Variants in INSR observed in about 807,000 individuals in gnomAD.
The protein encoded by INSR is IR.
Under a neutral mutation model 142.6 loss-of-function variants are expected in INSR, and 67 were observed. The observed-to-expected ratio is 0.47, with a 90% CI of 0.39 to 0.58. INSR has a LOEUF of 0.58. Among genes scored for constraint, INSR ranks in the 20% least tolerant of loss-of-function variants. INSR has a pLI of 0.00. For synonymous variants in INSR, 756 were observed against 743.1 expected (o/e 1.02, Z -0.28); for missense variants, 1,248 against 1,833.2 (o/e 0.68, Z 5.83).
At chr19:7,282,426 T>C (rs537465718) in intron 1 of INSR, among the ~76,000 whole-genome samples, 1 of 152,044 alleles carries the variant, frequency 6.6e-6, no homozygotes, top group Admixed American at 6.6e-5. Flanking sequence ...CTCACACCAG[T>C]AATCCCAGCC....
chr19:7,121,012 CT>C (rs1972478302), intron 19 of INSR, among the ~76,000 whole-genome samples: 1 of 148,650 alleles, frequency 6.7e-6, no homozygotes, highest in African/African-American at 2.5e-5. Context: ...TTTTTTTTTT[CT>C]TTGATATGGA....
intron 9 of INSR, among the ~76,000 whole-genome samples, chr19:7,158,308 G>C (rs1290073217): frequency 6.6e-6 from 1 of 151,896 alleles, no homozygotes; most frequent in Admixed American, 6.6e-5. Context: ...AGACCATCCT[G>C]GCTAACATGG....
chr19:7,118,578 A>G (rs1972396288), intron 21 of INSR, among the ~76,000 whole-genome samples: 2 of 151,830 alleles, frequency 1.3e-5, no homozygotes, highest in Admixed American at 1.3e-4. Flanking sequence ...CGGTCTCCCA[A>G]ATTGCTTGGG....
intron 2 of INSR, among the ~76,000 whole-genome samples, chr19:7,195,813 G>C (rs1281296890): frequency 1.3e-5 from 2 of 151,696 alleles, no homozygotes; most frequent in Non-Finnish European, 2.9e-5. Context: ...GCAATATTGA[G>C]ACAACAGATA....
intron 4 of INSR, among the ~76,000 whole-genome samples, chr19:7,172,883 A>AAC (rs1307860437): frequency 2.0e-5 from 3 of 151,398 alleles, no homozygotes; most frequent in Non-Finnish European, 4.4e-5. Context: ...AACTACAAAA[A>AAC]AAAAAAAAAA....
At chr19:7,167,512 G>T (rs1973914526) in intron 7 of INSR, among the ~76,000 whole-genome samples, 1 of 150,872 alleles carries the variant, frequency 6.6e-6, no homozygotes, top group Non-Finnish European at 1.5e-5. Context: ...GGAGGCAGAG[G>T]TTGCAGTGAG....
intron 11 of INSR, 132 bp from the exon 12 acceptor site, chr19:7,143,222 G>A: frequency 1.0e-6 from 1 of 972,246 alleles, no homozygotes; most frequent in Non-Finnish European, 1.6e-6. Flanking sequence ...GGGGAACATG[G>A]ATTACAATAC....
In INSR at chr19:7,117,007, G is replaced by A. The variant is rs1972345141; in HGVS notation, c.*49C>T. ...GTTTTCCAGAGGCTTTCAAACCAGAGGAAAGCGAAAATGGGAACCCCTGCC... is the reference window on the plus strand; with the variant it reads ...GTTTTCCAGAGGCTTTCAAACCAGAAGAAAGCGAAAATGGGAACCCCTGCC... On this transcript the variant is annotated 3_prime_UTR_variant, in exon 22 of 22. Transcript: ENST00000302850. The A allele has an allele frequency of 7.0e-7, 1 of 1,426,948 alleles. No individual in the cohort carries two copies. The highest frequency in any genetic ancestry group is 1.4e-5 in the African/African-American group (1 of 71,098). 88.4% of individuals were successfully genotyped at this position (1,426,948 alleles called of 1,614,324 possible).
intron 2 of INSR, among the ~76,000 whole-genome samples, chr19:7,195,853 T>C (rs1364589379): frequency 6.6e-6 from 1 of 151,762 alleles, no homozygotes; most frequent in African/African-American, 2.4e-5. Context: ...ATTAAAATAC[T>C]GTATCAATGT....
At position 7,285,928 on chromosome 19, in the gene INSR, A is replaced by G. The variant is rs115500666; in HGVS notation, c.100+7864T>C. On this transcript the variant is annotated intron_variant, in intron 1 of 21. Coordinates refer to ENST00000302850, the MANE Select transcript of INSR (RefSeq NM_000208.4). ...CAACTCTACACATGGCTTAAAAATCATAAAATGGTACACCTTTAAAAAGCC... is the reference window on the plus strand; with the variant it reads ...CAACTCTACACATGGCTTAAAAATCGTAAAATGGTACACCTTTAAAAAGCC... Among the ~76,000 whole-genome samples the G allele has an allele frequency of 7.9e-5, 12 of 152,310 alleles. No individual in the cohort carries two copies. In the South Asian group the frequency reaches 2.3e-3, roughly 29 times the overall value.
At chr19:7,173,681 G>A (rs1302248969) in intron 4 of INSR, among the ~76,000 whole-genome samples, 2 of 142,854 alleles carry the variant, frequency 1.4e-5, no homozygotes, top group African/African-American at 5.3e-5. Flanking sequence ...GTGCAGTGGC[G>A]CGATCCCAGC....
intron 3 of INSR, 86 bp from the exon 4 acceptor site, chr19:7,174,817 T>G: frequency 7.7e-7 from 1 of 1,301,352 alleles, no homozygotes; most frequent in Admixed American, 2.0e-5. Flanking sequence ...TCAGGCATCT[T>G]TCTGCCTGAT....
chr19:7,178,789 A>G (rs1373609187), intron 3 of INSR, among the ~76,000 whole-genome samples: 1 of 152,218 alleles, frequency 6.6e-6, no homozygotes, highest in Non-Finnish European at 1.5e-5. Flanking sequence ...TGGTGGACAC[A>G]CCAGTATGTC....
chr19:7,219,166 T>TCCCAGGACCTGGGGAAATTA (rs1975524040), intron 2 of INSR, among the ~76,000 whole-genome samples: 2 of 152,184 alleles, frequency 1.3e-5, no homozygotes, highest in South Asian at 4.1e-4. Flanking sequence ...TTATTAGGCT[T>TCCCAGGACCTGGGGAAATTA]CCCAGGACCT....
intron 2 of INSR, among the ~76,000 whole-genome samples, chr19:7,214,388 G>A (rs1393566191): frequency 1.3e-5 from 2 of 152,308 alleles, no homozygotes; most frequent in South Asian, 2.1e-4. Context: ...CGGCTAGGCC[G>A]CCGACTGCCT....
intron 2 of INSR, among the ~76,000 whole-genome samples, chr19:7,197,918 A>AGTGTGTGTGTGTGTGTGTGTGTGT (rs71864058): frequency 1.0e-5 from 1 of 100,218 alleles, no homozygotes; most frequent in Non-Finnish European, 2.1e-5. Flanking sequence ...CCAGAGTGAG[A>AGTGTGTGTGTGTGTGTGTGTGTGT]GTGTGTGTGT....
At chr19:7,121,581 C>T (rs1237834211) in intron 19 of INSR, among the ~76,000 whole-genome samples, 1 of 152,076 alleles carries the variant, frequency 6.6e-6, no homozygotes, top group African/African-American at 2.4e-5. Flanking sequence ...ATCCTCCCAC[C>T]CCAGCCTCCT....
intron 2 of INSR, among the ~76,000 whole-genome samples, chr19:7,241,795 C>G (rs1039064179): frequency 1.3e-5 from 2 of 151,970 alleles, no homozygotes; most frequent in Non-Finnish European, 2.9e-5. Flanking sequence ...GTCCCCACCA[C>G]GGAGAGGGGT....
chr19:7,125,184 G>T lies in INSR; in HGVS notation c.3258+99C>A, dbSNP rs1599873883. 4 of 1,464,308 alleles carry T rather than the reference G, an allele frequency of 2.7e-6. No individual in the cohort carries two copies. Among genetic ancestry groups the T allele is most frequent in the East Asian group, 4.6e-5 (2 of 43,680 alleles). The allele number at this position is 1,464,308 out of a possible 1,614,324, so 90.7% of individuals were successfully genotyped here. On this transcript the variant is annotated intron_variant, in intron 17 of 21. Coordinates refer to ENST00000302850, the MANE Select transcript of INSR (RefSeq NM_000208.4). The surrounding 1 kb of genome is among the most constrained non-coding windows in gnomAD (Gnocchi z 4.9). Reference sequence around the variant, plus strand: ...TAGTGGAGTGAGGGGTGGGTAGGAGGTTACACCCTGTGTCCTCTGTCGCTC... The same window carrying T: ...TAGTGGAGTGAGGGGTGGGTAGGAGTTTACACCCTGTGTCCTCTGTCGCTC...
Sources: gnomAD v4.1 joint callset for allele counts (sites outside exome capture counted in the v4.1 genomes callset) on GRCh38, gnomAD v4.1.1 for gene constraint, Gnocchi (gnomAD v3.1) non-coding constraint, MANE v1.5 for transcripts, NCBI Gene and HGNC (gene_info 2026-07-23, HGNC 2026-07-21) for gene names.